The following CBFB variants were observed in gnomAD, a reference collection of about 807,000 sequenced individuals.
CBFB encodes core-binding factor subunit beta.
Under a neutral mutation model 30.4 loss-of-function variants are expected in CBFB, and 9 were observed. That is an observed-to-expected ratio of 0.30 (90% confidence interval 0.18 to 0.52). CBFB has a LOEUF of 0.52. Ranked by LOEUF, CBFB falls within the 20% of genes least tolerant of loss-of-function variation. The pLI, the probability that CBFB is intolerant of heterozygous loss-of-function variation, is 0.97. For missense variants in CBFB, 170 were observed against 244.0 expected, an observed-to-expected ratio of 0.70 and a Z score of 2.02; for synonymous variants, 94 against 84.0, an observed-to-expected ratio of 1.12 and a Z score of -0.65.
At position 67,082,295 on chromosome 16, in the gene CBFB, G is replaced by A. The variant is rs1413574641; in HGVS notation, c.482G>A (p.Arg161Gln). 7 of 1,612,178 alleles carry A rather than the reference G, an allele frequency of 4.3e-6. 1 individual carries two copies. The highest frequency in any genetic ancestry group is 2.2e-5 in the South Asian group (2 of 90,936). The change falls in exon 5 of 6, where the codon CGG becomes CAG. Residue 161 changes from arginine to glutamine, a missense_variant. Arg to Gln is a conservative substitution (Grantham distance 43, BLOSUM62 1). Transcript: ENST00000412916. Reference protein sequence around the residue: ...REFEDRDRSHREEMEARRQQD... With the variant: ...REFEDRDRSHQEEMEARRQQD... ...TTTGAAGATAGAGACAGGTCTCATC[G>A]GGAGGAAATGGAGGTGAGAGTTTCA...
At chr16:67,075,196 A>AAT (rs145342607) in intron 4 of CBFB, among the ~76,000 whole-genome samples, 14,818 of 41,858 alleles carry the variant, frequency 0.35, 1,015 homozygotes, top group East Asian at 0.5. Context: ...TCTCAAAAAA[A>AAT]ATGTGTGTGT....
chr16:67,029,627 C>G, intron 1 of CBFB, 100 bp from the exon 2 acceptor site: 2 of 1,332,964 alleles, frequency 1.5e-6, no homozygotes, highest in South Asian at 2.6e-5. Context: ...GGCCATCGCC[C>G]GCAGCCTCTG....
At chr16:67,074,445 T>G (rs1029534920) in intron 4 of CBFB, among the ~76,000 whole-genome samples, 16 of 151,082 alleles carry the variant, frequency 1.1e-4, no homozygotes, top group Non-Finnish European at 2.2e-4. Context: ...TGCAGTGGCG[T>G]GATCTCAGCT....
intron 3 of CBFB, among the ~76,000 whole-genome samples, chr16:67,050,778 G>A (rs189715195): frequency 6.6e-5 from 10 of 152,160 alleles, no homozygotes; most frequent in East Asian, 3.9e-4. Flanking sequence ...GGGCAATAGA[G>A]CAAAACCCTG....
intron 2 of CBFB, among the ~76,000 whole-genome samples, chr16:67,033,774 G>GC (rs1669681942): frequency 1.3e-5 from 2 of 149,134 alleles, no homozygotes; most frequent in African/African-American, 5.0e-5. Flanking sequence ...ACCACACCCG[G>GC]CTAATTTGTT....
intron 3 of CBFB, among the ~76,000 whole-genome samples, chr16:67,044,360 T>C (rs1049036716): frequency 2.0e-5 from 3 of 152,222 alleles, no homozygotes; most frequent in Non-Finnish European, 4.4e-5. Context: ...TTTTACCACA[T>C]TGACCTCAGA....
At chr16:67,061,130 C>CT (rs1960899540) in intron 3 of CBFB, among the ~76,000 whole-genome samples, 1 of 152,172 alleles carries the variant, frequency 6.6e-6, no homozygotes, top group African/African-American at 2.4e-5. Context: ...ATCACAAATA[C>CT]TTATATTTAG....
chr16:67,098,631 A>T, intron 5 of CBFB, 79 bp from the exon 6 acceptor site: 1 of 800,922 alleles, frequency 1.2e-6, no homozygotes, highest in Non-Finnish European at 2.2e-6. Context: ...TCTGTGTGCT[A>T]CTGTCTTGTA....
chr16:67,060,056 C>T (rs1233459473), intron 3 of CBFB, among the ~76,000 whole-genome samples: 1 of 151,648 alleles, frequency 6.6e-6, no homozygotes, highest in Non-Finnish European at 1.5e-5. Context: ...CTCACTGCAG[C>T]CTCGACCTCC....
chr16:67,085,626 C>T (rs1261555269), intron 5 of CBFB, among the ~76,000 whole-genome samples: 1 of 150,704 alleles, frequency 6.6e-6, no homozygotes, highest in Admixed American at 6.6e-5. Flanking sequence ...TCCCAAAGTG[C>T]TGGGATTACA....
intron 5 of CBFB, among the ~76,000 whole-genome samples, chr16:67,096,956 G>T (rs933738743): frequency 1.5e-4 from 23 of 151,340 alleles, no homozygotes; most frequent in African/African-American, 5.1e-4. Flanking sequence ...CATCTGAGTC[G>T]TACATGGTGG....
At chr16:67,051,584 T>C (rs939470277) in intron 3 of CBFB, among the ~76,000 whole-genome samples, 1 of 152,052 alleles carries the variant, frequency 6.6e-6, no homozygotes, top group Non-Finnish European at 1.5e-5. Context: ...TTCTATCAAC[T>C]TAACTAAATT....
intron 5 of CBFB, among the ~76,000 whole-genome samples, chr16:67,095,617 C>T (rs1421633737): frequency 6.6e-6 from 1 of 150,874 alleles, no homozygotes; most frequent in Non-Finnish European, 1.5e-5. Flanking sequence ...GAGTTTGAGG[C>T]TGTAGGGTGC....
chr16:67,084,307 A>T (rs2145774451), intron 5 of CBFB, among the ~76,000 whole-genome samples: 1 of 152,278 alleles, frequency 6.6e-6, no homozygotes, highest in African/African-American at 2.4e-5. Flanking sequence ...TGAACATTTC[A>T]TACAAGAAGA....
chr16:67,096,997 G>T (rs2950869), intron 5 of CBFB, among the ~76,000 whole-genome samples: 1 of 151,888 alleles, frequency 6.6e-6, no homozygotes, highest in Admixed American at 6.6e-5. Flanking sequence ...ACTTTGGGAG[G>T]CCAAGACAGG....
intron 1 of CBFB, 90 bp downstream of exon 1, chr16:67,029,575 G>C: frequency 7.2e-7 from 1 of 1,385,770 alleles, no homozygotes; most frequent in Non-Finnish European, 9.8e-7. Context: ...GTCCCCGGGA[G>C]TCCCGGTCGG....
Position 67,080,847 on chromosome 16 carries a change from A to G in CBFB, c.400-1366A>G, listed in dbSNP as rs187558840. 1.2e-3 allele frequency among the ~76,000 whole-genome samples: 183 copies of G among 152,270 alleles called. 1 individual carries two copies. Among genetic ancestry groups the G allele is most frequent in the African/African-American group, 4.1e-3 (171 of 41,554 alleles). ...TATTCATCAGGATTTTATTTTGATG[A>G]GTAGGATTAAGTAGGTAAAGAAAAC... On this transcript the variant is annotated intron_variant, in intron 4 of 5. Transcript: ENST00000412916.
chr16:67,039,564 C>CA (rs1966496706), intron 3 of CBFB, among the ~76,000 whole-genome samples: 1 of 152,178 alleles, frequency 6.6e-6, no homozygotes, highest in Admixed American at 6.5e-5. Context: ...TCTTACAAGA[C>CA]CACTGTCATA....
rs1962142323 is a variant in CBFB, at chr16:67,099,034, T to G, written c.*256T>G. ...TCTATGCAAGCTTACCTTGTTGGCA[T>G]TATTTTAGGGAGTTGAAACTATCAA... On this transcript the variant is annotated 3_prime_UTR_variant, in exon 6 of 6. Transcript: ENST00000412916. The G allele has an allele frequency of 2.6e-6, 1 of 379,974 alleles. No homozygotes were observed. Among genetic ancestry groups the G allele is most frequent in the African/African-American group, 2.1e-5 (1 of 48,230 alleles). 23.5% of individuals were successfully genotyped at this position (379,974 alleles called of 1,614,324 possible).
Sources: allele counts gnomAD v4.1 joint callset (sites outside exome capture counted in the v4.1 genomes callset), GRCh38; gene constraint gnomAD v4.1.1; transcripts MANE v1.5; gene names NCBI Gene and HGNC (gene_info 2026-07-23, HGNC 2026-07-21).